The following KCNJ16 variants were observed in gnomAD, a reference collection of about 807,000 sequenced individuals.
The protein encoded by KCNJ16 is inward rectifier potassium channel 16.
In KCNJ16, 15 loss-of-function variants were observed where a neutral mutation model predicts 18.5. The observed-to-expected ratio is 0.81, with a 90% CI of 0.54 to 1.25. The LOEUF is 1.25. KCNJ16 is among the 50% of genes most tolerant of loss of function. KCNJ16 has a pLI of 0.00. For missense variants in KCNJ16, 523 were observed against 525.7 expected, an observed-to-expected ratio of 0.99 and a Z score of 0.05; for synonymous variants, 174 against 186.5, an observed-to-expected ratio of 0.93 and a Z score of 0.55.
chr17:70,090,201 T>C lies in KCNJ16; in HGVS notation c.-299-10457T>C, dbSNP rs756355204. On this transcript the variant is annotated intron_variant, in intron 1 of 3. Coordinates refer to ENST00000392671, the MANE Select transcript of KCNJ16 (RefSeq NM_170741.4). ...GATGGAAAGGCTGATGGTGGTGATT[T>C]TGTGATTGAATGGGGGTAATTGTTC... Among the ~76,000 whole-genome samples the C allele has an allele frequency of 4.6e-5, 7 of 152,348 alleles. No homozygotes were observed. In the South Asian group the frequency reaches 1.4e-3, roughly 32 times the overall value.
At chr17:70,107,635 T>C (rs1278517072) in intron 2 of KCNJ16, among the ~76,000 whole-genome samples, 2 of 152,030 alleles carry the variant, frequency 1.3e-5, no homozygotes, top group African/African-American at 4.8e-5. Flanking sequence ...TACCAAAACA[T>C]GGGTCAGGAT....
At chr17:70,110,482 G>GCACACACACACACACACACACA (rs34424075) in intron 2 of KCNJ16, among the ~76,000 whole-genome samples, 1 of 149,782 alleles carries the variant, frequency 6.7e-6, no homozygotes, top group Non-Finnish European at 1.5e-5. Flanking sequence ...CTTCGTGCGC[G>GCACACACACACACACACACACA]CACACACACA....
chr17:70,124,376 C>T (rs184400797), intron 2 of KCNJ16, among the ~76,000 whole-genome samples: 4 of 152,158 alleles, frequency 2.6e-5, no homozygotes, highest in East Asian at 1.9e-4. Flanking sequence ...TTCTGTTTTC[C>T]GGTGCCTAAA....
intron 2 of KCNJ16, among the ~76,000 whole-genome samples, chr17:70,123,973 G>A (rs1024110476): frequency 3.9e-5 from 6 of 152,226 alleles, no homozygotes; most frequent in African/African-American, 1.4e-4. Context: ...ATGCGTTCCT[G>A]TAATGATAAC....
Position 70,133,375 on chromosome 17 carries a change from G to A in KCNJ16, c.*31G>A. The stretch of plus-strand genomic sequence containing the variant: ...AATTGCAATTATGAGGGCTACCACT[G>A]AATCATTTTATCTTTCAGCCAATCA... On this transcript the variant is annotated 3_prime_UTR_variant, in exon 4 of 4. Transcript: ENST00000392671. The A allele has an allele frequency of 6.4e-7, 1 of 1,563,452 alleles. No individual in the cohort carries two copies.
chr17:70,125,633 A>G (rs886915977), intron 2 of KCNJ16, among the ~76,000 whole-genome samples: 4 of 152,166 alleles, frequency 2.6e-5, no homozygotes, highest in Admixed American at 6.5e-5. Context: ...AAGTTAATTA[A>G]GAAAACAAAG....
intron 1 of KCNJ16, among the ~76,000 whole-genome samples, chr17:70,092,665 C>A (rs1012933346): frequency 1.3e-5 from 2 of 152,060 alleles, no homozygotes; most frequent in Non-Finnish European, 2.9e-5. Context: ...AGAAGTCCCA[C>A]AATATGCCAT....
Position 70,133,180 on chromosome 17 carries a change from T to C in KCNJ16, c.1093T>C (p.Ser365Pro). 6.2e-7 allele frequency: 1 copy of C among 1,614,188 alleles called. No homozygotes were observed. Among genetic ancestry groups the C allele is most frequent in the Non-Finnish European group, 8.5e-7 (1 of 1,180,034 alleles). The change falls in exon 4 of 4, where the codon TCG becomes CCG. Residue 365 changes from serine (S) to proline (P), a missense_variant. Coordinates refer to ENST00000392671, the MANE Select transcript of KCNJ16 (RefSeq NM_170741.4). ...KAPPVRESCT[S>P]DTKARRRSFS... is the part of the protein sequence containing the mutation. ...ACCACCAGTTCGAGAATCCTGCACG[T>C]CGGACACCAAGGCGAGACGAAGGTC...
chr17:70,125,936 A>G lies in KCNJ16; in HGVS notation c.-190-4943A>G, dbSNP rs148604866. Among the ~76,000 whole-genome samples the G allele has an allele frequency of 5.8e-4, 88 of 152,284 alleles. No individual in the cohort carries two copies. The East Asian group carries it at 0.013, about 22-fold the overall frequency. On this transcript the variant is annotated intron_variant, in intron 2 of 3. Coordinates refer to ENST00000392671, the MANE Select transcript of KCNJ16 (RefSeq NM_170741.4). Reference sequence around the variant, plus strand: ...GCAGAGCAAGTTTCCGTCTCAAAAAAAAAAAGAAAAATAGAAAACAGAGGA... The same window carrying G: ...GCAGAGCAAGTTTCCGTCTCAAAAAGAAAAAGAAAAATAGAAAACAGAGGA...
chr17:70,103,324 A>ACACACACACACACAT (rs142139198), intron 2 of KCNJ16, among the ~76,000 whole-genome samples: 57 of 113,350 alleles, frequency 5.0e-4, no homozygotes, highest in African/African-American at 1.2e-3. Context: ...ATATATATAC[A>ACACACACACACACAT]CACACATATA....
At chr17:70,096,854 T>A (rs2072399023) in intron 1 of KCNJ16, 3 of 397,886 alleles carry the variant, frequency 7.5e-6, no homozygotes, top group Admixed American at 4.4e-5. Context: ...TCAGGGTTTT[T>A]GGATATAAAC....
rs10600577 is a variant in KCNJ16 at position 70,102,215 on chromosome 17, C to CTTTTT, written c.-191+1475_-191+1479dup. On this transcript the variant is annotated intron_variant, in intron 2 of 3. Coordinates refer to ENST00000392671, the MANE Select transcript of KCNJ16 (RefSeq NM_170741.4). ...TCTTTCTTCTTGTTCACCAAAAGTA[C>CTTTTT]TTTTTTTTTTTTTTTTTTTTTTTTT... The CTTTTT allele has an allele frequency of 2.9e-4, 14 of 48,152 alleles. 1 individual carries two copies. The highest frequency in any genetic ancestry group is 3.9e-4 in the Admixed American group (1 of 2,546). 3.0% of individuals were successfully genotyped at this position (48,152 alleles called of 1,614,324 possible). A position where few individuals can be genotyped will look rare whatever the true frequency, so the allele number is the denominator to read the frequency against.
intron 2 of KCNJ16, among the ~76,000 whole-genome samples, chr17:70,115,486 T>G (rs931989387): frequency 2.0e-5 from 3 of 152,128 alleles, no homozygotes; most frequent in African/African-American, 7.2e-5. Flanking sequence ...AGTTGCAGAA[T>G]AGCACAATTT....
intron 3 of KCNJ16, 88 bp from the exon 4 acceptor site, chr17:70,131,907 G>A: frequency 1.8e-6 from 2 of 1,105,956 alleles, no homozygotes; most frequent in Non-Finnish European, 2.5e-6. Context: ...TATTTTAGAT[G>A]GTATGACACT....
At chr17:70,092,121 C>T (rs986525087) in intron 1 of KCNJ16, among the ~76,000 whole-genome samples, 8 of 152,268 alleles carry the variant, frequency 5.3e-5, no homozygotes, top group African/African-American at 1.9e-4. Flanking sequence ...TTTTGTTTTT[C>T]ATTGTGTTTT....
intron 2 of KCNJ16, among the ~76,000 whole-genome samples, chr17:70,106,660 C>A (rs1298099068): frequency 6.6e-6 from 1 of 152,210 alleles, no homozygotes; most frequent in Non-Finnish European, 1.5e-5. Flanking sequence ...CCCTGACCTG[C>A]TTCTGCCATG....
chr17:70,119,913 C>CT (rs2073564091), intron 2 of KCNJ16, among the ~76,000 whole-genome samples: 1 of 152,332 alleles, frequency 6.6e-6, no homozygotes, highest in Non-Finnish European at 1.5e-5. Flanking sequence ...AAAGCCTTTC[C>CT]TTTTTTGCCA....
At chr17:70,103,286 A>ATGTGTGTGTGTGTGTGTGTGTGTG (rs1555589099) in intron 2 of KCNJ16, among the ~76,000 whole-genome samples, 3 of 103,812 alleles carry the variant, frequency 2.9e-5, no homozygotes, top group Admixed American at 1.0e-4. Flanking sequence ...ATATGCATAT[A>ATGTGTGTGTGTGTGTGTGTGTGTG]TGTGTGTGTG....
At chr17:70,124,491 T>C (rs904010597) in intron 2 of KCNJ16, among the ~76,000 whole-genome samples, 3 of 152,116 alleles carry the variant, frequency 2.0e-5, no homozygotes, top group South Asian at 2.1e-4. Flanking sequence ...CCAAGGGGAA[T>C]GTAGAGGCTG....
Sources: allele counts gnomAD v4.1 joint callset (sites outside exome capture counted in the v4.1 genomes callset), GRCh38; gene constraint gnomAD v4.1.1; transcripts MANE v1.5; gene names NCBI Gene and HGNC (gene_info 2026-07-23, HGNC 2026-07-21).